Variants in IGFBP3 observed in about 807,000 individuals in gnomAD.
IGFBP3 encodes insulin-like growth factor-binding protein 3.
Under a neutral mutation model 28.6 loss-of-function variants are expected in IGFBP3, and 9 were observed. That is an observed-to-expected ratio of 0.31 (90% CI 0.19 to 0.55). The LOEUF is 0.55. Ranked by LOEUF, IGFBP3 falls within the 20% of genes least tolerant of loss-of-function variation. The probability of loss-of-function intolerance (pLI) is 0.93; values close to 1 mark genes in which losing one functional copy is unlikely to be tolerated. For synonymous variants in IGFBP3, 185 were observed against 188.2 expected (o/e 0.98, Z 0.14); for missense variants, 382 against 428.9 (o/e 0.89, Z 0.97).
chr7:45,917,271 T>C lies in IGFBP3; in HGVS notation c.572A>G (p.Glu191Gly). ...KDSQRYKVDY[E>G]SQSTDTQNFS... Reference sequence around the variant, plus strand: ...GTTCTGGGTATCTGTGCTCTGAGACTCGTAGTCAACTTTGTAGCGCTGGCT... The same window carrying C: ...GTTCTGGGTATCTGTGCTCTGAGACCCGTAGTCAACTTTGTAGCGCTGGCT... The change falls in exon 2 of 5, where the codon GAG (glutamate) becomes GGG (glycine). Residue 191 changes from glutamate (E) to glycine (G), a missense_variant. Glu to Gly is a moderately conservative substitution (Grantham distance 98, BLOSUM62 -2). Coordinates refer to ENST00000613132, the MANE Select transcript of IGFBP3 (RefSeq NM_000598.5). 6.2e-7 allele frequency: 1 copy of C among 1,614,164 alleles called. No individual in the cohort carries two copies. The highest frequency in any genetic ancestry group is 8.5e-7 in the Non-Finnish European group (1 of 1,180,030).
At chr7:45,916,720 G>A in intron 2 of IGFBP3, 53 bp from the exon 3 acceptor site, 7 of 1,577,800 alleles carry the variant, frequency 4.4e-6, no homozygotes, top group Non-Finnish European at 4.3e-6. Flanking sequence ...ACTCTAGAAT[G>A]TGTGCTTTAA....
At chr7:45,920,440 C>T (rs1278489062) in intron 1 of IGFBP3, 1 of 347,082 alleles carries the variant, frequency 2.9e-6, no homozygotes, top group Non-Finnish European at 5.2e-6. Flanking sequence ...ATCTTTCCAA[C>T]AGCTAAACAT....
At chr7:45,920,686 G>T (rs1784672761) in intron 1 of IGFBP3, 52 bp downstream of exon 1, 1 of 1,321,948 alleles carries the variant, frequency 7.6e-7, no homozygotes, top group South Asian at 2.0e-5. Context: ...CAGGCCCTTC[G>T]GCGCCAGTGC....
chr7:45,918,214 G>T (rs1433104084), intron 1 of IGFBP3, among the ~76,000 whole-genome samples: 3 of 150,954 alleles, frequency 2.0e-5, no homozygotes, highest in African/African-American at 7.3e-5. Flanking sequence ...GCAGCACATG[G>T]ATGCAGACAA....
Position 45,917,430 on chromosome 7 carries a change from C to A in IGFBP3, c.413G>T (p.Ser138Ile). The A allele has an allele frequency of 6.2e-7, 1 of 1,607,972 alleles. No individual in the cohort carries two copies. Among genetic ancestry groups the A allele is most frequent in the Non-Finnish European group, 8.5e-7 (1 of 1,176,370 alleles). The change falls in exon 2 of 5, where the codon AGT (serine) becomes ATT (isoleucine). Residue 138 changes from serine (S) to isoleucine (I), a missense_variant. Transcript: ENST00000613132. ...GGCGCTGCGGTCTTCCTCCGACTCA[C>A]TAGCATTTCCTTAAAACGCCCAAGA... ...LPAPPAPGNA[S>I]ESEEDRSAGS...
chr7:45,916,673 G>A lies in IGFBP3; in HGVS notation c.631-6C>T. 2 of 1,611,374 alleles carry A rather than the reference G, an allele frequency of 1.2e-6. No homozygotes were observed. Among genetic ancestry groups the A allele is most frequent in the Non-Finnish European group, 8.5e-7 (1 of 1,177,856 alleles). On this transcript the variant is annotated splice_polypyrimidine_tract_variant and splice_region_variant and intron_variant, in intron 2 of 4. Transcript: ENST00000613132. ...ATTTCTCTACGGCAGGGACCCTGGG[G>A]ATCAGGAAGGACCAGAGCAACAGAG...
intron 3 of IGFBP3, among the ~76,000 whole-genome samples, chr7:45,915,588 C>G (rs1262085778): frequency 6.6e-6 from 1 of 152,186 alleles, no homozygotes; most frequent in Non-Finnish European, 1.5e-5. Context: ...ATATTTATTA[C>G]AGCTTAATAT....
At position 45,914,916 on chromosome 7, in the gene IGFBP3, G is replaced by C. The variant is rs1170707192; in HGVS notation, c.780C>G (p.Gly260=). 6.2e-7 allele frequency: 1 copy of C among 1,614,014 alleles called. No individual in the cohort carries two copies. The highest frequency in any genetic ancestry group is 8.5e-7 in the Non-Finnish European group (1 of 1,180,010). The change falls in exon 4 of 5, where the codon GGC becomes GGG. Residue 260 remains glycine, a synonymous_variant. Coordinates refer to ENST00000613132, the MANE Select transcript of IGFBP3 (RefSeq NM_000598.5). ...QCRPSKGRKR[G]FCWCVDKYGQ... ...CATACTTATCCACACACCAGCAGAA[G>C]CCCCGCTTCCTGCCTTTGGAAGGGC...
At chr7:45,916,251 G>A (rs980881817) in intron 3 of IGFBP3, among the ~76,000 whole-genome samples, 3 of 152,302 alleles carry the variant, frequency 2.0e-5, no homozygotes, top group South Asian at 2.1e-4. Context: ...GTTTATAAAG[G>A]GTGCCACTGG....
chr7:45,917,200 G>T lies in IGFBP3; in HGVS notation c.630+13C>A, dbSNP rs561556536. 15 of 1,599,776 alleles carry T rather than the reference G, an allele frequency of 9.4e-6. 1 individual carries two copies. In the African/African-American group the frequency reaches 2.0e-4, roughly 21 times the overall value. On this transcript the variant is annotated intron_variant, in intron 2 of 4. Coordinates refer to ENST00000613132, the MANE Select transcript of IGFBP3 (RefSeq NM_000598.5). ...TCTTGCCCTCCTCCTTTAACAAGAG[G>T]AAAAGCTCTCACATATTCTGTCTCC...
intron 1 of IGFBP3, among the ~76,000 whole-genome samples, chr7:45,917,683 T>C (rs879448581): frequency 9.9e-5 from 15 of 152,268 alleles, no homozygotes; most frequent in Middle Eastern, 3.4e-3. Context: ...TCTTCCTAAG[T>C]AGCTGCAACT....
At chr7:45,914,682 C>G in intron 4 of IGFBP3, 123 bp downstream of exon 4, 1 of 905,142 alleles carries the variant, frequency 1.1e-6, no homozygotes, top group Non-Finnish European at 1.7e-6. Flanking sequence ...CTCTTTCTGG[C>G]CCTGAGCTGC....
At chr7:45,915,974 C>T (rs915351113) in intron 3 of IGFBP3, among the ~76,000 whole-genome samples, 3 of 152,212 alleles carry the variant, frequency 2.0e-5, no homozygotes, top group Non-Finnish European at 4.4e-5. Context: ...GTCATCCCCC[C>T]ACTCACTAGC....
intron 4 of IGFBP3, chr7:45,914,226 T>C (rs1480878298): frequency 6.6e-6 from 1 of 152,204 alleles, no homozygotes; most frequent in Non-Finnish European, 1.5e-5. Flanking sequence ...TTCTCTAAAA[T>C]TATCGTTTAA....
chr7:45,916,424 TG>T, intron 3 of IGFBP3, 123 bp downstream of exon 3: 1 of 919,420 alleles, frequency 1.1e-6, no homozygotes, highest in Non-Finnish European at 1.6e-6. Context: ...CACCAAGTCC[TG>T]GGCACTGGTG....
At position 45,917,075 on chromosome 7, in the gene IGFBP3, G is replaced by T. The variant is rs1314481551; in HGVS notation, c.630+138C>A. 4.4e-6 allele frequency: 3 copies of T among 676,174 alleles called. No homozygotes were observed. The Admixed American group carries it at 7.5e-5, about 17-fold the overall frequency. The allele number at this position is 676,174 out of a possible 1,614,324, so 41.9% of individuals were successfully genotyped here. ...TTATGTAAGGAGAGGAGAGAGGTAG[G>T]GCACAGAGGGGCTAGGGGTTGCCCA... is the stretch of plus-strand genomic sequence containing the variant. On this transcript the variant is annotated intron_variant, in intron 2 of 4. Transcript: ENST00000613132.
chr7:45,916,479 G>A, intron 3 of IGFBP3, 69 bp downstream of exon 3: 1 of 1,517,030 alleles, frequency 6.6e-7, no homozygotes, highest in Non-Finnish European at 9.1e-7. Flanking sequence ...AGAGCCTGGG[G>A]GCTGGTGAGA....
chr7:45,918,054 G>A (rs530238346), intron 1 of IGFBP3, among the ~76,000 whole-genome samples: 1 of 152,336 alleles, frequency 6.6e-6, no homozygotes, highest in Admixed American at 6.5e-5. Flanking sequence ...CCTGCAAAGC[G>A]TTTTGCCTCA....
At chr7:45,917,473 G>T (rs774466196) in intron 1 of IGFBP3, 34 bp from the exon 2 acceptor site, 18 of 1,505,556 alleles carry the variant, frequency 1.2e-5, no homozygotes, top group African/African-American at 2.8e-5. Context: ...ACACATGAGA[G>T]TCATCAATAT....
Sources: gnomAD v4.1 joint callset for allele counts (sites outside exome capture counted in the v4.1 genomes callset) on GRCh38, gnomAD v4.1.1 for gene constraint, MANE v1.5 for transcripts, NCBI Gene and HGNC (gene_info 2026-07-23, HGNC 2026-07-21) for gene names.